PTPRT: variants seen among roughly 807,000 people sequenced by gnomAD.
The protein encoded by PTPRT is protein tyrosine phosphatase receptor type T, also known as receptor-type tyrosine-protein phosphatase T.
PTPRT carries 56 observed loss-of-function variants against 176.8 expected under a neutral mutation model. The observed-to-expected ratio is 0.32, with a 90% CI of 0.26 to 0.40. PTPRT has a LOEUF of 0.40. Among genes scored for constraint, PTPRT ranks in the 10% least tolerant of loss-of-function variants. The pLI, the probability that PTPRT is intolerant of heterozygous loss-of-function variation, is 1.00. For synonymous variants in PTPRT, 783 were observed against 739.0 expected (o/e 1.06, Z -0.96); for missense variants, 1,540 against 1,908.2 (o/e 0.81, Z 3.60).
intron 13 of PTPRT, among the ~76,000 whole-genome samples, chr20:42,249,887 C>A (rs564120743): frequency 6.6e-6 from 1 of 152,194 alleles, no homozygotes; most frequent in Non-Finnish European, 1.5e-5. Context: ...GTTATCAGCA[C>A]CCGAAGTGAA....
At chr20:42,452,779 G>C (rs540966941) in intron 8 of PTPRT, among the ~76,000 whole-genome samples, 2 of 152,276 alleles carry the variant, frequency 1.3e-5, no homozygotes, top group East Asian at 3.9e-4. Context: ...CAGATGAATA[G>C]TTGTTCTATA....
At chr20:42,430,574 A>G (rs926784743) in intron 9 of PTPRT, among the ~76,000 whole-genome samples, 7 of 152,210 alleles carry the variant, frequency 4.6e-5, no homozygotes, top group Non-Finnish European at 7.3e-5. Flanking sequence ...CTGGTGATGT[A>G]TCATAAAGTT....
At chr20:42,618,425 G>A (rs2074122831) in intron 7 of PTPRT, among the ~76,000 whole-genome samples, 1 of 135,666 alleles carries the variant, frequency 7.4e-6, no homozygotes, top group South Asian at 2.3e-4. Flanking sequence ...CTGTTGATTT[G>A]GGGTGGAGAG....
intron 1 of PTPRT, among the ~76,000 whole-genome samples, chr20:43,165,473 C>T (rs928696972): frequency 1.1e-4 from 16 of 152,232 alleles, no homozygotes; most frequent in Admixed American, 9.2e-4. Context: ...CTGCTAAACA[C>T]ACTCTCTTGC....
chr20:42,955,391 T>C (rs1981562155), intron 1 of PTPRT, among the ~76,000 whole-genome samples: 1 of 152,146 alleles, frequency 6.6e-6, no homozygotes, highest in Non-Finnish European at 1.5e-5. Flanking sequence ...TTATGTTTGT[T>C]GTCACAAGCA....
At chr20:42,877,349 A>T (rs1256072828) in intron 2 of PTPRT, among the ~76,000 whole-genome samples, 1 of 152,070 alleles carries the variant, frequency 6.6e-6, no homozygotes, top group African/African-American at 2.4e-5. Context: ...ATTCAGCCAC[A>T]CCCAGGCTGC....
intron 9 of PTPRT, among the ~76,000 whole-genome samples, chr20:42,368,511 C>T (rs989248241): frequency 2.6e-5 from 4 of 151,994 alleles, no homozygotes; most frequent in African/African-American, 9.7e-5. Context: ...CCCGCTGGGG[C>T]AATATTTAAA....
At chr20:42,681,001 A>G (rs1569079406) in intron 6 of PTPRT, among the ~76,000 whole-genome samples, 2 of 152,226 alleles carry the variant, frequency 1.3e-5, no homozygotes, top group Admixed American at 1.3e-4. Flanking sequence ...CAAGGAAGCC[A>G]TCAGATTATT....
chr20:42,907,972 G>A (rs374630085), intron 1 of PTPRT, among the ~76,000 whole-genome samples: 1 of 152,068 alleles, frequency 6.6e-6, no homozygotes, highest in African/African-American at 2.4e-5. Flanking sequence ...AGAAGTTCCT[G>A]GGTACCCCAC....
chr20:42,601,742 CA>C (rs1321170394), intron 7 of PTPRT, among the ~76,000 whole-genome samples: 9 of 152,152 alleles, frequency 5.9e-5, no homozygotes, highest in African/African-American at 2.2e-4. Flanking sequence ...CTCAATAAAT[CA>C]TTACTAAATT....
intron 6 of PTPRT, among the ~76,000 whole-genome samples, chr20:42,746,411 TGAG>T (rs531992194): frequency 7.6e-4 from 116 of 152,180 alleles, no homozygotes; most frequent in African/African-American, 2.6e-3. Flanking sequence ...TGGGGAATGA[TGAG>T]GAGAAGCACA....
At chr20:42,991,435 A>G (rs922592457) in intron 1 of PTPRT, among the ~76,000 whole-genome samples, 1 of 152,190 alleles carries the variant, frequency 6.6e-6, no homozygotes, top group African/African-American at 2.4e-5. Flanking sequence ...AAGAAAAAAA[A>G]AAAGAAACGT....
At chr20:42,259,906 T>C (rs1194924502) in intron 13 of PTPRT, among the ~76,000 whole-genome samples, 1 of 152,218 alleles carries the variant, frequency 6.6e-6, no homozygotes, top group Non-Finnish European at 1.5e-5. Flanking sequence ...TCCATTACCT[T>C]GGTCTCATTA....
chr20:42,440,319 G>C (rs2059301248), intron 9 of PTPRT, among the ~76,000 whole-genome samples: 1 of 152,056 alleles, frequency 6.6e-6, no homozygotes, highest in Non-Finnish European at 1.5e-5. Context: ...AAATTAGTTA[G>C]ACAAAAATAA....
intron 16 of PTPRT, among the ~76,000 whole-genome samples, chr20:42,179,123 T>C (rs1990413859): frequency 6.6e-6 from 1 of 152,144 alleles, no homozygotes; most frequent in Non-Finnish European, 1.5e-5. Context: ...AATCCTAATA[T>C]CATTCTGCAA....
chr20:42,112,558 C>A (rs1009579500), intron 22 of PTPRT, among the ~76,000 whole-genome samples: 3 of 152,130 alleles, frequency 2.0e-5, no homozygotes, highest in Non-Finnish European at 4.4e-5. Context: ...GCACCTGAGG[C>A]CCCTTTGCCT....
intron 9 of PTPRT, among the ~76,000 whole-genome samples, chr20:42,398,300 T>G (rs904338696): frequency 6.6e-6 from 1 of 152,188 alleles, no homozygotes; most frequent in Non-Finnish European, 1.5e-5. Context: ...TTTTCTATTC[T>G]ATTGGCAAAA....
chr20:43,044,168 G>A (rs1227382244), intron 1 of PTPRT, among the ~76,000 whole-genome samples: 4 of 152,088 alleles, frequency 2.6e-5, no homozygotes, highest in African/African-American at 9.7e-5. Context: ...GCCAGCCTTG[G>A]GTCCTGGCAG....
intron 9 of PTPRT, among the ~76,000 whole-genome samples, chr20:42,365,040 G>C (rs536754106): frequency 6.6e-6 from 1 of 152,206 alleles, no homozygotes; most frequent in East Asian, 1.9e-4. Context: ...AGCCACATGG[G>C]GAAAAAAGGC....
Sources: gnomAD v4.1 joint callset for allele counts (sites outside exome capture counted in the v4.1 genomes callset) on GRCh38, gnomAD v4.1.1 for gene constraint, MANE v1.5 for transcripts, NCBI Gene and HGNC (gene_info 2026-07-23, HGNC 2026-07-21) for gene names.